TRDN: variants seen among roughly 807,000 people sequenced by gnomAD.
TRDN encodes triadin in skeletal muscle.
In TRDN, 161 loss-of-function variants were observed where a neutral mutation model predicts 149.7. That is an observed-to-expected ratio of 1.08 (90% CI 0.95 to 1.23). The LOEUF (loss-of-function observed/expected upper bound fraction) is 1.23, where lower values mean the gene tolerates loss of function less well. Among genes scored for constraint, TRDN ranks in the 50% most tolerant of loss-of-function variants. TRDN has a pLI of 0.00. For missense variants in TRDN, 896 were observed against 823.5 expected, an observed-to-expected ratio of 1.09 and a Z score of -1.08; for synonymous variants, 294 against 250.5, an observed-to-expected ratio of 1.17 and a Z score of -1.64.
intron 10 of TRDN, chr6:123,442,055 C>A (rs1165080241): frequency 6.6e-6 from 1 of 152,168 alleles, no homozygotes; most frequent in Non-Finnish European, 1.5e-5. Flanking sequence ...GAAAATTTTA[C>A]ATAAGCTGAA....
intron 13 of TRDN, among the ~76,000 whole-genome samples, chr6:123,391,065 T>TA: frequency 1.3e-5 from 2 of 152,114 alleles, no homozygotes; most frequent in Non-Finnish European, 2.9e-5. Context: ...CCTAACTGAT[T>TA]AAAAAAATAA....
intron 21 of TRDN, chr6:123,351,680 A>G: frequency 1.1e-6 from 1 of 942,294 alleles, no homozygotes; most frequent in Non-Finnish European, 1.3e-6. Flanking sequence ...ATGTCAAAAG[A>G]TCTTAACTTC....
chr6:123,342,642 G>A (rs1378739248), intron 21 of TRDN, among the ~76,000 whole-genome samples: 1 of 151,926 alleles, frequency 6.6e-6, no homozygotes, highest in African/African-American at 2.4e-5. Flanking sequence ...TAAGAGATAA[G>A]TAACTTGCCC....
At chr6:123,277,553 G>A (rs1325678377) in intron 26 of TRDN, among the ~76,000 whole-genome samples, 1 of 152,130 alleles carries the variant, frequency 6.6e-6, no homozygotes, top group Non-Finnish European at 1.5e-5. Flanking sequence ...ACTTATTAGA[G>A]GAGAAGGGTT....
At chr6:123,238,588 C>T (rs1775875484) in intron 38 of TRDN, among the ~76,000 whole-genome samples, 1 of 152,004 alleles carries the variant, frequency 6.6e-6, no homozygotes, top group African/African-American at 2.4e-5. Flanking sequence ...GAGAACCAGA[C>T]CTAAGATATT....
At chr6:123,461,188 T>C (rs930167733) in intron 10 of TRDN, among the ~76,000 whole-genome samples, 1 of 152,084 alleles carries the variant, frequency 6.6e-6, no homozygotes, top group Non-Finnish European at 1.5e-5. Flanking sequence ...GGTGAAGAAA[T>C]TGAGGCCCTA....
intron 1 of TRDN, among the ~76,000 whole-genome samples, chr6:123,631,173 A>T (rs1474444828): frequency 2.0e-5 from 3 of 151,862 alleles, no homozygotes; most frequent in African/African-American, 4.8e-5. Flanking sequence ...AATAACAAGA[A>T]GTTTCAGAGT....
chr6:123,548,404 A>G (rs369361198), intron 3 of TRDN, 50 bp downstream of exon 3: 144 of 1,355,084 alleles, frequency 1.1e-4, no homozygotes, highest in Non-Finnish European at 1.3e-4. Flanking sequence ...ACTATAATAC[A>G]TATTTAATGT....
At chr6:123,383,548 A>G (rs1781798104) in intron 14 of TRDN, among the ~76,000 whole-genome samples, 1 of 152,090 alleles carries the variant, frequency 6.6e-6, no homozygotes, top group Non-Finnish European at 1.5e-5. Context: ...ACAATAAGAG[A>G]GTGTTGATGA....
At chr6:123,447,836 A>G (rs942898057) in intron 10 of TRDN, among the ~76,000 whole-genome samples, 1 of 152,088 alleles carries the variant, frequency 6.6e-6, no homozygotes, top group African/African-American at 2.4e-5. Flanking sequence ...CAAATCAGCA[A>G]TCCCAAGAGG....
intron 1 of TRDN, among the ~76,000 whole-genome samples, chr6:123,602,147 T>A (rs966765014): frequency 6.6e-6 from 1 of 152,056 alleles, no homozygotes; most frequent in African/African-American, 2.4e-5. Flanking sequence ...ATCTGTTTTT[T>A]AAAAAATAAG....
chr6:123,603,268 A>G (rs1784363066), intron 1 of TRDN, among the ~76,000 whole-genome samples: 1 of 137,040 alleles, frequency 7.3e-6, no homozygotes, highest in South Asian at 2.4e-4. Context: ...AAATGTCAAC[A>G]CTTGATTTTT....
rs990780435 is a variant in TRDN, at chr6:123,362,159, A to C, written c.1321+3976T>G. 2.4e-4 allele frequency among the ~76,000 whole-genome samples: 37 copies of C among 152,254 alleles called. 1 individual carries two copies. The highest frequency in any genetic ancestry group is 8.7e-4 in the African/African-American group (36 of 41,562). ...TTTCTTTTCTTCCCTCCCAAAGCTT[A>C]TCATCAGTTGTGAAATTCCACTGAA... On this transcript the variant is annotated intron_variant, in intron 20 of 40. Transcript: ENST00000334268.
intron 10 of TRDN, among the ~76,000 whole-genome samples, chr6:123,445,427 A>G (rs1775258546): frequency 8.1e-6 from 1 of 123,552 alleles, no homozygotes; most frequent in Non-Finnish European, 1.6e-5. Flanking sequence ...AGCAAAAGAA[A>G]CTACCATCAG....
At chr6:123,223,011 C>T (rs1029355819) in intron 39 of TRDN, among the ~76,000 whole-genome samples, 2 of 151,688 alleles carry the variant, frequency 1.3e-5, no homozygotes, top group African/African-American at 2.4e-5. Context: ...TGTTGAGGAG[C>T]TTGCAGAGAG....
intron 38 of TRDN, among the ~76,000 whole-genome samples, chr6:123,228,568 T>C (rs1775475682): frequency 1.3e-5 from 2 of 151,846 alleles, no homozygotes; most frequent in African/African-American, 2.4e-5. Flanking sequence ...TACTCACTAT[T>C]GTGAGAATAG....
At chr6:123,286,835 G>GAGC (rs139947757) in intron 24 of TRDN, among the ~76,000 whole-genome samples, 4,588 of 151,798 alleles carry the variant, frequency 0.03, 235 homozygotes, top group African/African-American at 0.1. Context: ...GTACTTTCCA[G>GAGC]AGCAGCAGCA....
intron 38 of TRDN, among the ~76,000 whole-genome samples, chr6:123,235,405 AG>A (rs1462070361): frequency 1.3e-5 from 2 of 152,096 alleles, no homozygotes; most frequent in Non-Finnish European, 2.9e-5. Flanking sequence ...ACAAATGGTA[AG>A]GAACTGCTGG....
At chr6:123,620,902 T>G (rs1054159958) in intron 1 of TRDN, among the ~76,000 whole-genome samples, 2 of 152,092 alleles carry the variant, frequency 1.3e-5, no homozygotes, top group African/African-American at 4.8e-5. Context: ...CCAAGGATCC[T>G]AGAAGGAGGA....
Sources: allele counts gnomAD v4.1 joint callset (sites outside exome capture counted in the v4.1 genomes callset), GRCh38; gene constraint gnomAD v4.1.1; transcripts MANE v1.5; gene names NCBI Gene and HGNC (gene_info 2026-07-23, HGNC 2026-07-21).